EML1: variants seen among roughly 807,000 people sequenced by gnomAD.
EML1 encodes the protein echinoderm microtubule-associated protein-like 1.
EML1 carries 27 observed loss-of-function variants against 110.4 expected under a neutral mutation model. The ratio of observed to expected loss-of-function variants is 0.24; its 90% CI spans 0.18 to 0.34. The LOEUF is 0.34. Among genes scored for constraint, EML1 ranks in the 10% least tolerant of loss-of-function variants. The pLI is 1.00. For synonymous variants in EML1, 344 were observed against 385.8 expected, an observed-to-expected ratio of 0.89 and a Z score of 1.27; for missense variants, 741 against 1,030.9, an observed-to-expected ratio of 0.72 and a Z score of 3.85.
chr14:99,914,752 T>A, intron 15 of EML1, 55 bp downstream of exon 15: 2 of 1,538,828 alleles, frequency 1.3e-6, no homozygotes, highest in Non-Finnish European at 1.7e-6. Context: ...CTGGAACATG[T>A]TTATTTATTT....
chr14:99,829,649 G>C (rs12884017), intron 1 of EML1, among the ~76,000 whole-genome samples: 65,500 of 151,918 alleles, frequency 0.43, 14,553 homozygotes, highest in South Asian at 0.56. Context: ...CTCCCAGCCC[G>C]TGGTAACCCA....
chr14:99,908,169 G>A (rs558391147), intron 10 of EML1, among the ~76,000 whole-genome samples: 1 of 152,352 alleles, frequency 6.6e-6, no homozygotes, highest in East Asian at 1.9e-4. Context: ...CAGCACGGGG[G>A]CTCCTCCAAA....
chr14:99,836,463 A>G (rs1197989556), intron 1 of EML1, among the ~76,000 whole-genome samples: 2 of 152,270 alleles, frequency 1.3e-5, no homozygotes, highest in Non-Finnish European at 2.9e-5. Flanking sequence ...GCAAATAGAC[A>G]GTTTTGTTTC....
chr14:99,777,538 G>A (rs1450058160), intron 1 of EML1, among the ~76,000 whole-genome samples: 3 of 152,146 alleles, frequency 2.0e-5, no homozygotes, highest in African/African-American at 7.2e-5. Context: ...TCCTGCCTCA[G>A]CCTCCCCAGT....
chr14:99,838,937 G>A (rs901601253), intron 1 of EML1: 2 of 151,696 alleles, frequency 1.3e-5, no homozygotes, highest in Non-Finnish European at 2.9e-5. Flanking sequence ...GTGTGCGCGC[G>A]CGCGTGCATG....
At chr14:99,765,610 T>C (rs563595434) in intron 1 of EML1, among the ~76,000 whole-genome samples, 1 of 152,118 alleles carries the variant, frequency 6.6e-6, no homozygotes, top group Non-Finnish European at 1.5e-5. Context: ...ACTATATATA[T>C]ATATATTTTT....
intron 1 of EML1, among the ~76,000 whole-genome samples, chr14:99,811,045 C>T (rs1204103117): frequency 2.7e-5 from 4 of 150,880 alleles, no homozygotes; most frequent in Non-Finnish European, 3.0e-5. Flanking sequence ...TGTCTGGGAT[C>T]CCATATGGTG....
At chr14:99,756,898 C>T (rs2057262045) in intron 1 of EML1, among the ~76,000 whole-genome samples, 2 of 152,176 alleles carry the variant, frequency 1.3e-5, no homozygotes, top group Admixed American at 6.5e-5. Context: ...TCACAGGGCG[C>T]GTATACACTC....
chr14:99,771,086 C>G (rs1288147840), upstream of EML1, among the ~76,000 whole-genome samples: 2 of 152,136 alleles, frequency 1.3e-5, no homozygotes, highest in Admixed American at 1.3e-4. Flanking sequence ...GCCCGGCCTC[C>G]CACTGATATT....
chr14:99,789,262 GCA>G (rs532624556), upstream of EML1, among the ~76,000 whole-genome samples: 6 of 152,260 alleles, frequency 3.9e-5, no homozygotes, highest in South Asian at 1.2e-3. Flanking sequence ...AGGATAGAGT[GCA>G]GTGGCACGAT....
upstream of EML1, among the ~76,000 whole-genome samples, chr14:99,790,366 T>C (rs1463503266): frequency 6.6e-6 from 1 of 152,066 alleles, no homozygotes; most frequent in Non-Finnish European, 1.5e-5. Flanking sequence ...GAGTTGAGCA[T>C]TGCCCCAGCT....
chr14:99,914,227 G>T lies in EML1; in HGVS notation c.1543G>T (p.Asp515Tyr). The T allele has an allele frequency of 6.2e-7, 1 of 1,614,012 alleles. No individual in the cohort carries two copies. The highest frequency in any genetic ancestry group is 8.5e-7 in the Non-Finnish European group (1 of 1,179,910). The change falls in exon 14 of 22, where the codon GAT becomes TAT. Residue 515 changes from aspartate (D) to tyrosine (Y), a missense_variant. Physicochemically the swap from Asp to Tyr is radical, Grantham distance 160. Coordinates refer to ENST00000262233, the MANE Select transcript of EML1 (RefSeq NM_004434.3). ...ACGGACAGTGGCCGAGGGGAAAGGC[G>T]ATGTGATCTTGATTGGCACAACTCG... ...PIRTVAEGKG[D>Y]VILIGTTRNF...
At chr14:99,833,691 A>G (rs1048265958) in intron 1 of EML1, among the ~76,000 whole-genome samples, 3 of 152,176 alleles carry the variant, frequency 2.0e-5, no homozygotes, top group African/African-American at 7.2e-5. Context: ...TCTGAGAGTA[A>G]AAGCAGTGTT....
At chr14:99,900,181 C>CTTTT (rs3071437) in intron 8 of EML1, among the ~76,000 whole-genome samples, 9 of 106,644 alleles carry the variant, frequency 8.4e-5, no homozygotes, top group Non-Finnish European at 1.3e-4. Flanking sequence ...ATATTAAGCT[C>CTTTT]TTTTTTTTTT....
chr14:99,751,438 T>G (rs2057173831), intron 1 of EML1, among the ~76,000 whole-genome samples: 1 of 152,090 alleles, frequency 6.6e-6, no homozygotes, highest in Admixed American at 6.6e-5. Flanking sequence ...ACTGATCAGC[T>G]GCAGACAAAG....
At chr14:99,849,016 G>GA (rs1373950266) in intron 1 of EML1, among the ~76,000 whole-genome samples, 1 of 151,678 alleles carries the variant, frequency 6.6e-6, no homozygotes, top group Non-Finnish European at 1.5e-5. Context: ...AAGGAAAAAG[G>GA]AAAAAAATGA....
At chr14:99,928,067 GGT>G in intron 17 of EML1, among the ~76,000 whole-genome samples, 1 of 1,968 alleles carries the variant, frequency 5.1e-4, no homozygotes, top group South Asian at 0.015. Context: ...TGGTGGTGGT[GGT>G]GGTGGTGGTG....
chr14:99,927,003 C>G (rs2060246599), intron 17 of EML1, among the ~76,000 whole-genome samples: 1 of 152,214 alleles, frequency 6.6e-6, no homozygotes, highest in African/African-American at 2.4e-5. Flanking sequence ...TGCCCTTGGC[C>G]TTCCAAAGTG....
intron 16 of EML1, among the ~76,000 whole-genome samples, chr14:99,919,036 T>G (rs1345004127): frequency 6.6e-6 from 1 of 152,178 alleles, no homozygotes; most frequent in Non-Finnish European, 1.5e-5. Flanking sequence ...TGTTTCTTTT[T>G]CTGTAAATTG....
Sources: gnomAD v4.1 joint callset for allele counts (sites outside exome capture counted in the v4.1 genomes callset) on GRCh38, gnomAD v4.1.1 for gene constraint, MANE v1.5 for transcripts, NCBI Gene and HGNC (gene_info 2026-07-23, HGNC 2026-07-21) for gene names.